TOX4: variants seen among roughly 807,000 people sequenced by gnomAD.
TOX4 encodes the protein TOX high mobility group box family member 4, also known as epidermal Langerhans cell protein LCP1.
TOX4 carries 12 observed loss-of-function variants against 61.0 expected under a neutral mutation model. The observed-to-expected ratio is 0.20, with a 90% CI of 0.13 to 0.32. The LOEUF is 0.32. TOX4 is among the 10% of genes least tolerant of loss of function. TOX4 has a pLI of 1.00. For missense variants in TOX4, 499 were observed against 753.3 expected (o/e 0.66, Z 3.95); for synonymous variants, 268 against 274.8 (o/e 0.98, Z 0.24).
chr14:21,494,583 T>TA (rs1891360214), intron 7 of TOX4, among the ~76,000 whole-genome samples: 3 of 151,758 alleles, frequency 2.0e-5, no homozygotes. Context: ...CCGTCTCTAC[T>TA]AAAAAATACA....
At chr14:21,495,100 C>A in intron 7 of TOX4, 129 bp from the exon 8 acceptor site, 1 of 976,002 alleles carries the variant, frequency 1.0e-6, no homozygotes, top group Non-Finnish European at 1.5e-6. Context: ...CCTTCTTCTG[C>A]AGTTTTGCCC....
Position 21,477,213 on chromosome 14 carries a change from G to A in TOX4, c.-66G>A. The A allele has an allele frequency of 2.5e-6, 4 of 1,613,854 alleles. No individual in the cohort carries two copies. In the East Asian group the frequency reaches 8.9e-5, roughly 36 times the overall value. On this transcript the variant is annotated 5_prime_UTR_variant, in exon 1 of 9. Coordinates refer to ENST00000448790, the MANE Select transcript of TOX4 (RefSeq NM_014828.4). ...ACACGTCCTTGCGGAAGTGACGGCAGTTCCGAGTCCAGTGGGGGCGGTGGG... is the reference window on the plus strand; with the variant it reads ...ACACGTCCTTGCGGAAGTGACGGCAATTCCGAGTCCAGTGGGGGCGGTGGG...
At position 21,495,212 on chromosome 14, in the gene TOX4, T is replaced by C. The variant is rs1383131657; in HGVS notation, c.1642-17T>C. On this transcript the variant is annotated splice_polypyrimidine_tract_variant and intron_variant, in intron 7 of 8. Transcript: ENST00000448790. ...GGAGCAATCTAATCCACCTTGGTAC[T>C]CTTCTTCTTCTCACAGGTTGAGTCT... 1.9e-6 allele frequency: 3 copies of C among 1,612,312 alleles called. No homozygotes were observed. In the African/African-American group the frequency reaches 4.0e-5, roughly 22 times the overall value.
chr14:21,496,525 G>A (rs749900373), intron 8 of TOX4, 21 bp from the exon 9 acceptor site: 11 of 1,603,842 alleles, frequency 6.9e-6, no homozygotes, highest in African/African-American at 4.0e-5. Flanking sequence ...TTCTGTTTGT[G>A]TATGTCTTTT....
At chr14:21,489,833 G>A (rs1330481011) in intron 5 of TOX4, among the ~76,000 whole-genome samples, 1 of 151,678 alleles carries the variant, frequency 6.6e-6, no homozygotes, top group Non-Finnish European at 1.5e-5. Context: ...CACCCGCCTC[G>A]GCCTCCCAAA....
intron 2 of TOX4, 137 bp downstream of exon 2, chr14:21,477,701 G>A (rs1007598776): frequency 9.8e-6 from 9 of 921,356 alleles, no homozygotes; most frequent in South Asian, 1.5e-5. Context: ...AAAAGTGGCG[G>A]TTGCTTCTAG....
intron 2 of TOX4, among the ~76,000 whole-genome samples, chr14:21,479,336 GATA>G (rs1891068154): frequency 6.6e-6 from 1 of 150,628 alleles, no homozygotes. Context: ...CTCTATAAAA[GATA>G]ATAATAATTA....
chr14:21,488,416 G>A, intron 3 of TOX4, 174 bp from the exon 4 acceptor site: 1 of 681,050 alleles, frequency 1.5e-6, no homozygotes, highest in Non-Finnish European at 2.4e-6. Context: ...ATTAATTTCT[G>A]TACTTTTTTA....
chr14:21,488,018 T>A (rs746286408), intron 3 of TOX4: 14 of 198,156 alleles, frequency 7.1e-5, no homozygotes, highest in Admixed American at 1.1e-4. Flanking sequence ...ACGGAGGGAT[T>A]TATTCAAAAA....
At chr14:21,483,699 A>C (rs1274771610) in intron 2 of TOX4, among the ~76,000 whole-genome samples, 4 of 151,848 alleles carry the variant, frequency 2.6e-5, no homozygotes, top group Non-Finnish European at 4.4e-5. Context: ...CAACAACAAA[A>C]CAACATACAT....
At chr14:21,490,475 CAA>C (rs1566483546) in intron 5 of TOX4, among the ~76,000 whole-genome samples, 2 of 152,088 alleles carry the variant, frequency 1.3e-5, no homozygotes. Flanking sequence ...AACTCCATCT[CAA>C]AAAATAATAA....
chr14:21,492,355 C>T lies in TOX4; in HGVS notation c.870C>T (p.Tyr290=). ...KKEYLKALAA[Y]KDNQECQATV... is the part of the protein sequence containing the mutation. ...AGTATCTGAAGGCACTGGCTGCTTA[C>T]AAAGACAACCAGGAGTGTCAGGTAA... Residue 290 remains tyrosine, a synonymous_variant, in exon 6 of 9, where the codon TAC becomes TAT. Transcript: ENST00000448790. 6.2e-7 allele frequency: 1 copy of T among 1,613,544 alleles called. No homozygotes were observed. Among genetic ancestry groups the T allele is most frequent in the Non-Finnish European group, 8.5e-7 (1 of 1,179,860 alleles).
chr14:21,497,561 T>G lies in TOX4; in HGVS notation c.*955T>G, dbSNP rs1891433679. 7.1e-6 allele frequency: 1 copy of G among 141,584 alleles called. No homozygotes were observed. The highest frequency in any genetic ancestry group is 2.7e-5 in the African/African-American group (1 of 36,982). 8.8% of individuals were successfully genotyped at this position (141,584 alleles called of 1,614,324 possible). A position where few individuals can be genotyped will look rare whatever the true frequency, so the allele number is the denominator to read the frequency against. On this transcript the variant is annotated 3_prime_UTR_variant, in exon 9 of 9. Coordinates refer to ENST00000448790, the MANE Select transcript of TOX4 (RefSeq NM_014828.4). ...TTTTTTTTTTGAGACAGAGTCTCGC[T>G]CTGTCACCCAGGCTGGAGTGCAGTG...
intron 2 of TOX4, among the ~76,000 whole-genome samples, chr14:21,486,008 C>T (rs574394353): frequency 9.7e-6 from 1 of 103,426 alleles, no homozygotes; most frequent in African/African-American, 3.7e-5. Flanking sequence ...CGAGACTAGC[C>T]TGGGCAACAC....
At chr14:21,493,327 A>G in intron 7 of TOX4, 70 bp downstream of exon 7, 1 of 1,506,800 alleles carries the variant, frequency 6.6e-7, no homozygotes, top group Non-Finnish European at 8.9e-7. Flanking sequence ...ACCCAATAAC[A>G]GTGGGGGTTG....
Position 21,498,769 on chromosome 14 carries a change from G to A in TOX4, c.*2163G>A. Reference sequence around the variant, plus strand: ...GGGCAGATTCAATACATCACAGAATGGCTGAGGAAGATCCTTGGGTTGTGA... The same window carrying A: ...GGGCAGATTCAATACATCACAGAATAGCTGAGGAAGATCCTTGGGTTGTGA... On this transcript the variant is annotated 3_prime_UTR_variant, in exon 9 of 9. Coordinates refer to ENST00000448790, the MANE Select transcript of TOX4 (RefSeq NM_014828.4). 2.0e-6 allele frequency: 1 copy of A among 496,702 alleles called. No individual in the cohort carries two copies. Among genetic ancestry groups the A allele is most frequent in the Non-Finnish European group, 3.6e-6 (1 of 278,964 alleles). The allele number at this position is 496,702 out of a possible 1,614,324, so 30.8% of individuals were successfully genotyped here.
At position 21,477,564 on chromosome 14, in the gene TOX4, G is replaced by A; in HGVS notation, c.75G>A (p.Glu25=). 1 of 1,613,676 alleles carries A rather than the reference G, an allele frequency of 6.2e-7. No homozygotes were observed. The highest frequency in any genetic ancestry group is 8.5e-7 in the Non-Finnish European group (1 of 1,180,028). ...CGCACCCCTTCCTGTCAGGGGCCGA[G>A]GTGAGCCAGAGCTGCCGACGCCGCG... ...GPSHPFLSGA[E]TFHTPSLGDE... The change falls in exon 2 of 9, where the codon GAG becomes GAA. Residue 25 remains glutamate (E), a splice_region_variant and synonymous_variant. Transcript: ENST00000448790.
Position 21,496,964 on chromosome 14 carries a change from C to A in TOX4, c.*358C>A. The A allele has an allele frequency of 4.7e-6, 1 of 211,410 alleles. No individual in the cohort carries two copies. The highest frequency in any genetic ancestry group is 9.7e-6 in the Non-Finnish European group (1 of 103,610). The allele number at this position is 211,410 out of a possible 1,614,324, so 13.1% of individuals were successfully genotyped here. A position where few individuals can be genotyped will look rare whatever the true frequency, so the allele number is the denominator to read the frequency against. On this transcript the variant is annotated 3_prime_UTR_variant, in exon 9 of 9. Transcript: ENST00000448790. ...ATATTATTAAAATTACGGGAGTGTA[C>A]TCAGCTTTGAGCCTAGGAGAAAATG...
At chr14:21,477,465 C>A (rs1397054162) in intron 1 of TOX4, 31 bp from the exon 2 acceptor site, 2 of 1,612,970 alleles carry the variant, frequency 1.2e-6, no homozygotes, top group African/African-American at 1.3e-5. Context: ...CTCCCCCTAA[C>A]TTATCCCCGC....
Sources: gnomAD v4.1 joint callset for allele counts (sites outside exome capture counted in the v4.1 genomes callset) on GRCh38, gnomAD v4.1.1 for gene constraint, MANE v1.5 for transcripts, NCBI Gene and HGNC (gene_info 2026-07-23, HGNC 2026-07-21) for gene names.